Variants in CDCA3 observed in about 807,000 individuals in gnomAD.
The protein encoded by CDCA3 is cell division cycle-associated protein 3.
Under a neutral mutation model 29.1 loss-of-function variants are expected in CDCA3, and 16 were observed. That is an observed-to-expected ratio of 0.55 (90% confidence interval 0.37 to 0.83). The LOEUF (loss-of-function observed/expected upper bound fraction) is 0.83. Ranked by LOEUF, CDCA3 falls within the 40% of genes least tolerant of loss-of-function variation. The pLI is 0.00. For synonymous variants in CDCA3, 88 were observed against 124.5 expected, an observed-to-expected ratio of 0.71 and a Z score of 1.95; for missense variants, 291 against 327.2, an observed-to-expected ratio of 0.89 and a Z score of 0.85.
In CDCA3 at chr12:6,849,929, A is replaced by G. The variant is rs1555125928; in HGVS notation, c.251-71T>C. The G allele has an allele frequency of 6.6e-6, 9 of 1,356,240 alleles. No individual in the cohort carries two copies. In the East Asian group the frequency reaches 9.7e-5, roughly 15 times the overall value. 84.0% of individuals were successfully genotyped at this position (1,356,240 alleles called of 1,614,324 possible). A position where few individuals can be genotyped will look rare whatever the true frequency, so the allele number is the denominator to read the frequency against. ...ATTCAGCAAGGAGCAAAACATACAGAAACCCAGGACTCATGCCCAGGAGGG... is the reference window on the plus strand; with the variant it reads ...ATTCAGCAAGGAGCAAAACATACAGGAACCCAGGACTCATGCCCAGGAGGG... On this transcript the variant is annotated intron_variant, in intron 3 of 5. Transcript: ENST00000538862. The surrounding 1 kb of genome is among the most constrained non-coding windows in gnomAD (Gnocchi z 5.2).
At chr12:6,845,604 G>A (rs1396717683), downstream of CDCA3, 2 of 1,611,254 alleles carry the variant, frequency 1.2e-6, no homozygotes, top group South Asian at 2.2e-5. Flanking sequence ...CAATGGAGAG[G>A]CCATCTGCAC....
Position 6,849,383 on chromosome 12 carries a change from C to G in CDCA3, c.591G>C (p.Gly197=), listed in dbSNP as rs782568056. Residue 197 remains glycine, a synonymous_variant, in exon 5 of 6, where the codon GGG becomes GGC. Transcript: ENST00000538862. The surrounding 1 kb of genome is among the most constrained non-coding windows in gnomAD (Gnocchi z 5.2). ...CCTGCAGGATGGTGAGGGGGGATCT[C>G]CCTAGTACCTTGCTGCTGTTTGGTT... ...RWKPNSSKVL[G]RSPLTILQDD... 1 of 1,604,938 alleles carries G rather than the reference C, an allele frequency of 6.2e-7. No individual in the cohort carries two copies. The highest frequency in any genetic ancestry group is 8.5e-7 in the Non-Finnish European group (1 of 1,175,444).
intron 1 of CDCA3, 77 bp from the exon 2 acceptor site, chr12:6,851,086 A>C: frequency 7.0e-7 from 1 of 1,424,402 alleles, no homozygotes; most frequent in Non-Finnish European, 9.2e-7. Flanking sequence ...CTGTCTTCCC[A>C]GTTTCCAGTG....
downstream of CDCA3, chr12:6,845,945 C>T: frequency 1.5e-6 from 1 of 650,014 alleles, no homozygotes; most frequent in Non-Finnish European, 2.7e-6. Flanking sequence ...CCCCTGGAAT[C>T]CAGTACCCCT....
chr12:6,848,979 A>G lies in CDCA3; in HGVS notation c.*64T>C, dbSNP rs1943759792. On this transcript the variant is annotated 3_prime_UTR_variant, in exon 6 of 6. Coordinates refer to ENST00000538862, the MANE Select transcript of CDCA3 (RefSeq NM_031299.7). ...CATTCCTCAGTATCCCTGGGAAAGA[A>G]GGGGTGAGAGGACACAGATATCACC... The G allele has an allele frequency of 2.8e-6, 2 of 726,058 alleles. No homozygotes were observed. Among genetic ancestry groups the G allele is most frequent in the Non-Finnish European group, 5.1e-6 (2 of 393,572 alleles). The allele number at this position is 726,058 out of a possible 1,614,324, so 45.0% of individuals were successfully genotyped here.
Position 6,850,772 on chromosome 12 carries a change from G to C in CDCA3, c.120+61C>G. On this transcript the variant is annotated intron_variant, in intron 2 of 5. Coordinates refer to ENST00000538862, the MANE Select transcript of CDCA3 (RefSeq NM_031299.7). The surrounding 1 kb of genome is among the most constrained non-coding windows in gnomAD (Gnocchi z 4.7). ...GGTCATGACGGCTCTCTCAAAATCA[G>C]GTTAGGAAGAGACCCAAGAATTCAG... is the stretch of plus-strand genomic sequence containing the variant. 1 of 1,596,786 alleles carries C rather than the reference G, an allele frequency of 6.3e-7. No homozygotes were observed. Among genetic ancestry groups the C allele is most frequent in the South Asian group, 1.1e-5 (1 of 89,088 alleles).
At chr12:6,845,707 C>T (rs143381578), downstream of CDCA3, 21 of 1,613,950 alleles carry the variant, frequency 1.3e-5, no homozygotes, top group Non-Finnish European at 1.7e-5. Context: ...TGCGGCATCA[C>T]GTCCGTGGCC....
downstream of CDCA3, among the ~76,000 whole-genome samples, chr12:6,847,833 A>G (rs1555125112): frequency 6.6e-6 from 1 of 152,172 alleles, no homozygotes; most frequent in East Asian, 1.9e-4. Context: ...CACTGGGGAA[A>G]CAAGGTAGGA....
rs1943774044 is a variant in CDCA3 at position 6,849,276 on chromosome 12, T to C, written c.651+47A>G. 4 of 1,598,942 alleles carry C rather than the reference T, an allele frequency of 2.5e-6. No homozygotes were observed. Among genetic ancestry groups the C allele is most frequent in the Admixed American group, 1.7e-5 (1 of 58,950 alleles). ...ATCTGGGTAAAAGGGTCTCCCACCC[T>C]CTACGTTGGATATCCTAGTAACAGC... On this transcript the variant is annotated intron_variant, in intron 5 of 5. Coordinates refer to ENST00000538862, the MANE Select transcript of CDCA3 (RefSeq NM_031299.7). This position sits in a 1 kb window ranked among gnomAD's most constrained non-coding sequence, Gnocchi z 5.2.
downstream of CDCA3, chr12:6,846,707 A>ACACG: frequency 1.4e-6 from 1 of 733,564 alleles, no homozygotes; most frequent in Non-Finnish European, 2.4e-6. Flanking sequence ...ACACCCACAC[A>ACACG]CCCACACATA....
downstream of CDCA3, chr12:6,848,204 T>C (rs1423675779): frequency 6.6e-6 from 1 of 151,790 alleles, no homozygotes; most frequent in East Asian, 1.9e-4. Context: ...ATACAAAAAT[T>C]AGCCAGGCGT....
chr12:6,849,692 C>T lies in CDCA3; in HGVS notation c.417G>A (p.Trp139Ter). Residue 139 changes from tryptophan to a stop codon, truncating the protein, a stop_gained, in exon 4 of 6, where the codon TGG becomes TGA. Coordinates refer to ENST00000538862, the MANE Select transcript of CDCA3 (RefSeq NM_031299.7). LOFTEE classifies it high-confidence loss of function. The surrounding 1 kb of genome is among the most constrained non-coding windows in gnomAD (Gnocchi z 5.2). ...QLSVEEQMPPWNQTEFPSKQV... is the reference protein window; with the variant it reads ...QLSVEEQMPP Reference sequence around the variant, plus strand: ...GTTTGGAGGGGAACTCAGTCTGGTTCCAAGGTGGCATCTGTTCCTCAACAG... The same window carrying T: ...GTTTGGAGGGGAACTCAGTCTGGTTTCAAGGTGGCATCTGTTCCTCAACAG... The T allele has an allele frequency of 6.2e-7, 1 of 1,614,078 alleles. No homozygotes were observed. Among genetic ancestry groups the T allele is most frequent in the Non-Finnish European group, 8.5e-7 (1 of 1,180,010 alleles).
chr12:6,846,545 T>C, downstream of CDCA3: 1 of 393,734 alleles, frequency 2.5e-6, no homozygotes, highest in South Asian at 5.7e-5. Context: ...CCTCTTTCAG[T>C]CTCTTAGCCT....
chr12:6,850,755 C>T lies in CDCA3; in HGVS notation c.120+78G>A. On this transcript the variant is annotated intron_variant, in intron 2 of 5. Coordinates refer to ENST00000538862, the MANE Select transcript of CDCA3 (RefSeq NM_031299.7). This position sits in a 1 kb window ranked among gnomAD's most constrained non-coding sequence, Gnocchi z 4.7. ...GGCTAGGATAAGGGTGGGGTCATGA[C>T]GGCTCTCTCAAAATCAGGTTAGGAA... 4 of 1,580,272 alleles carry T rather than the reference C, an allele frequency of 2.5e-6. No individual in the cohort carries two copies. The highest frequency in any genetic ancestry group is 1.1e-5 in the South Asian group (1 of 87,376).
chr12:6,846,621 GCACA>G (rs782811517), downstream of CDCA3: 13 of 554,520 alleles, frequency 2.3e-5, no homozygotes, highest in African/African-American at 1.5e-4. Context: ...AAGCACACAT[GCACA>G]CACACACGTA....
Position 6,850,775 on chromosome 12 carries a change from T to C in CDCA3, c.120+58A>G. 6.3e-7 allele frequency: 1 copy of C among 1,599,852 alleles called. No homozygotes were observed. The highest frequency in any genetic ancestry group is 8.5e-7 in the Non-Finnish European group (1 of 1,171,710). ...CATGACGGCTCTCTCAAAATCAGGT[T>C]AGGAAGAGACCCAAGAATTCAGACA... On this transcript the variant is annotated intron_variant, in intron 2 of 5. Coordinates refer to ENST00000538862, the MANE Select transcript of CDCA3 (RefSeq NM_031299.7). The surrounding 1 kb of genome is among the most constrained non-coding windows in gnomAD (Gnocchi z 4.7).
At position 6,849,883 on chromosome 12, in the gene CDCA3, A is replaced by C. The variant is rs1357785305; in HGVS notation, c.251-25T>G. 1 of 1,501,854 alleles carries C rather than the reference A, an allele frequency of 6.7e-7. No individual in the cohort carries two copies. The highest frequency in any genetic ancestry group is 1.4e-5 in the South Asian group (1 of 72,396). The allele number at this position is 1,501,854 out of a possible 1,614,324, so 93.0% of individuals were successfully genotyped here. ...TCTAGAGGAAGAAAGTGAAGTGAAC[A>C]GTGACCTTCTGATACACAACATTCA... On this transcript the variant is annotated intron_variant, in intron 3 of 5. Transcript: ENST00000538862. The surrounding 1 kb of genome is among the most constrained non-coding windows in gnomAD (Gnocchi z 5.2).
At chr12:6,851,133 G>A (rs1943870678) in intron 1 of CDCA3, 89 bp downstream of exon 1, 3 of 1,401,764 alleles carry the variant, frequency 2.1e-6, no homozygotes, top group Admixed American at 3.2e-5. Context: ...GGCCTCTGCG[G>A]AGTTAATGAC....
At chr12:6,846,487 TC>T (rs1192700647), downstream of CDCA3, 4 of 278,134 alleles carry the variant, frequency 1.4e-5, no homozygotes, top group Non-Finnish European at 2.7e-5. Context: ...ATCCCAGCCC[TC>T]CCCCAACCAA....
Sources: gnomAD v4.1 joint callset for allele counts (sites outside exome capture counted in the v4.1 genomes callset) on GRCh38, gnomAD v4.1.1 for gene constraint, Gnocchi (gnomAD v3.1) non-coding constraint, MANE v1.5 for transcripts, NCBI Gene and HGNC (gene_info 2026-07-23, HGNC 2026-07-21) for gene names.